Variants in AUTS2 observed in about 807,000 individuals in gnomAD.
AUTS2 encodes activator of transcription and developmental regulator AUTS2, also known as autism susceptibility gene 2 protein.
A neutral mutation model predicts 112.4 loss-of-function variants in AUTS2; 17 were observed. The ratio of observed to expected loss-of-function variants is 0.15; its 90% confidence interval spans 0.10 to 0.23. The LOEUF (loss-of-function observed/expected upper bound fraction) is 0.23, where lower values mean the gene tolerates loss of function less well. Among genes scored for constraint, AUTS2 ranks in the 10% least tolerant of loss-of-function variants. The pLI, the probability that AUTS2 is intolerant of heterozygous loss-of-function variation, is 1.00. For missense variants in AUTS2, 1,510 were observed against 1,701.6 expected (o/e 0.89, Z 1.98); for synonymous variants, 751 against 702.7 (o/e 1.07, Z -1.09).
intron 4 of AUTS2, among the ~76,000 whole-genome samples, chr7:70,377,863 C>T (rs1175386551): frequency 1.3e-5 from 2 of 151,676 alleles, no homozygotes; most frequent in South Asian, 2.1e-4. Flanking sequence ...CTCCGCCTCC[C>T]GGGTTCATGC....
intron 5 of AUTS2, among the ~76,000 whole-genome samples, chr7:70,464,112 C>A (rs1041442010): frequency 1.3e-5 from 2 of 152,156 alleles, no homozygotes; most frequent in Non-Finnish European, 2.9e-5. Flanking sequence ...TCCCTGTGAC[C>A]CTGAGGTAAG....
intron 2 of AUTS2, among the ~76,000 whole-genome samples, chr7:70,076,688 A>G (rs1367177347): frequency 1.3e-5 from 2 of 152,196 alleles, no homozygotes; most frequent in Admixed American, 6.5e-5. Context: ...GATCACTTAC[A>G]CTTTGGGTGA....
At chr7:69,767,793 G>A (rs2129294145) in intron 1 of AUTS2, among the ~76,000 whole-genome samples, 1 of 152,246 alleles carries the variant, frequency 6.6e-6, no homozygotes, top group Middle Eastern at 3.4e-3. Context: ...CAGACCATTG[G>A]GGGATCCCCC....
chr7:70,259,398 TC>T (rs1787050281), intron 4 of AUTS2, among the ~76,000 whole-genome samples: 1 of 151,896 alleles, frequency 6.6e-6, no homozygotes. Flanking sequence ...TTCCACCTCA[TC>T]AAAAAGAGGA....
chr7:69,743,193 T>C (rs1787341500), intron 1 of AUTS2, among the ~76,000 whole-genome samples: 1 of 152,196 alleles, frequency 6.6e-6, no homozygotes, highest in Non-Finnish European at 1.5e-5. Context: ...TTTCCTCATC[T>C]GTAATATGGG....
At position 69,856,352 on chromosome 7, in the gene AUTS2, T is replaced by C. The variant is rs544982042; in HGVS notation, c.310-42934T>C. On this transcript the variant is annotated intron_variant, in intron 1 of 18. Transcript: ENST00000342771. Reference sequence around the variant, plus strand: ...AGGCCTGGTGCCTAGAAGCTGAGCTTTGAGAAGCATACTTTAGTAACGCAT... The same window carrying C: ...AGGCCTGGTGCCTAGAAGCTGAGCTCTGAGAAGCATACTTTAGTAACGCAT... Among the ~76,000 whole-genome samples the C allele has an allele frequency of 4.5e-4, 69 of 152,262 alleles. 1 individual carries two copies. Among genetic ancestry groups the C allele is most frequent in the Admixed American group, 2.9e-3 (45 of 15,302 alleles).
At chr7:70,501,913 G>A (rs1318104739) in intron 5 of AUTS2, among the ~76,000 whole-genome samples, 1 of 152,122 alleles carries the variant, frequency 6.6e-6, no homozygotes, top group Non-Finnish European at 1.5e-5. Context: ...TAATGTCTTA[G>A]AGGCAGGTGG....
At chr7:70,507,904 A>G (rs1382334298) in intron 5 of AUTS2, among the ~76,000 whole-genome samples, 1 of 152,254 alleles carries the variant, frequency 6.6e-6, no homozygotes, top group East Asian at 1.9e-4. Flanking sequence ...CATGTACCTC[A>G]TATGGGCAAT....
chr7:70,732,909 T>A (rs1215385638), intron 6 of AUTS2, among the ~76,000 whole-genome samples: 1 of 152,232 alleles, frequency 6.6e-6, no homozygotes, highest in African/African-American at 2.4e-5. Flanking sequence ...GTGGCACATG[T>A]GATCTCCATT....
intron 5 of AUTS2, among the ~76,000 whole-genome samples, chr7:70,461,464 C>T (rs11771970): frequency 0.13 from 19,409 of 152,094 alleles, 1,276 homozygotes; most frequent in Middle Eastern, 0.17. Context: ...CAGTGGGATC[C>T]GAGTCCCTGC....
intron 6 of AUTS2, among the ~76,000 whole-genome samples, chr7:70,741,580 A>T (rs1455714379): frequency 1.3e-5 from 2 of 151,886 alleles, no homozygotes; most frequent in African/African-American, 4.8e-5. Flanking sequence ...AATCCCAGCT[A>T]CTTAGGAGAC....
At chr7:69,992,537 A>G (rs1337055111) in intron 2 of AUTS2, among the ~76,000 whole-genome samples, 5 of 152,178 alleles carry the variant, frequency 3.3e-5, no homozygotes, top group East Asian at 1.9e-4. Context: ...AAAGAAGACA[A>G]TACTTGGAGA....
chr7:69,889,861 C>T (rs1169841530), intron 1 of AUTS2, among the ~76,000 whole-genome samples: 1 of 152,112 alleles, frequency 6.6e-6, no homozygotes, highest in Non-Finnish European at 1.5e-5. Flanking sequence ...GTGCTAGTTT[C>T]TCTTCTGGCT....
chr7:70,273,936 T>C (rs534309489), intron 4 of AUTS2, among the ~76,000 whole-genome samples: 1 of 152,190 alleles, frequency 6.6e-6, no homozygotes, highest in Non-Finnish European at 1.5e-5. Context: ...TGAATAAGAT[T>C]TAGAAAATCT....
intron 4 of AUTS2, among the ~76,000 whole-genome samples, chr7:70,383,650 G>A (rs912994527): frequency 1.3e-5 from 2 of 152,096 alleles, no homozygotes; most frequent in African/African-American, 2.4e-5. Flanking sequence ...CCCAGTGCCT[G>A]TCCTTGACAA....
rs77071877 is a variant in AUTS2 at position 69,784,109 on chromosome 7, C to T, written c.310-115177C>T. On this transcript the variant is annotated intron_variant, in intron 1 of 18. Coordinates refer to ENST00000342771, the MANE Select transcript of AUTS2 (RefSeq NM_015570.4). ...TACCCAAAATGACACCGAACGTTGTCTACACAGGCTTGGAAACATGGAGGG... is the reference window on the plus strand; with the variant it reads ...TACCCAAAATGACACCGAACGTTGTTTACACAGGCTTGGAAACATGGAGGG... Among the ~76,000 whole-genome samples, 1,000 of 152,294 alleles carry T rather than the reference C, an allele frequency of 6.6e-3. 6 individuals are homozygous for T. The highest frequency in any genetic ancestry group is 0.012 in the Non-Finnish European group (797 of 68,032).
intron 5 of AUTS2, among the ~76,000 whole-genome samples, chr7:70,696,380 T>C (rs1809103168): frequency 2.0e-5 from 3 of 152,176 alleles, no homozygotes. Flanking sequence ...GAGGCCTTTC[T>C]GAGACACCCC....
chr7:69,975,229 A>G (rs1015741355), intron 2 of AUTS2, among the ~76,000 whole-genome samples: 1 of 152,028 alleles, frequency 6.6e-6, no homozygotes, highest in Non-Finnish European at 1.5e-5. Context: ...TGAGACATCC[A>G]CTATCCTTCT....
intron 1 of AUTS2, among the ~76,000 whole-genome samples, chr7:69,660,875 G>A (rs557539116): frequency 8.5e-5 from 13 of 152,274 alleles, no homozygotes; most frequent in Admixed American, 3.9e-4. Flanking sequence ...CGGAGCTTGC[G>A]GTGAGCTGAG....
Sources: allele counts gnomAD v4.1 joint callset (sites outside exome capture counted in the v4.1 genomes callset), GRCh38; gene constraint gnomAD v4.1.1; transcripts MANE v1.5; gene names NCBI Gene and HGNC (gene_info 2026-07-23, HGNC 2026-07-21).